CACNG8: variants seen among roughly 807,000 people sequenced by gnomAD.
The protein encoded by CACNG8 is calcium voltage-gated channel auxiliary subunit gamma 8, also known as voltage-dependent calcium channel gamma-8 subunit.
In CACNG8, 5 loss-of-function variants were observed where a neutral mutation model predicts 26.9. The observed-to-expected ratio is 0.19, with a 90% CI of 0.10 to 0.39. The LOEUF (loss-of-function observed/expected upper bound fraction) is 0.39, where lower values mean the gene tolerates loss of function less well. Ranked by LOEUF, CACNG8 falls within the 10% of genes least tolerant of loss-of-function variation. The probability of loss-of-function intolerance (pLI) is 1.00; values close to 1 mark genes in which losing one functional copy is unlikely to be tolerated. For synonymous variants in CACNG8, 321 were observed against 296.7 expected (o/e 1.08, Z -0.84); for missense variants, 473 against 609.4 (o/e 0.78, Z 2.36).
intron 3 of CACNG8, among the ~76,000 whole-genome samples, chr19:53,981,266 A>G (rs2069366063): frequency 6.6e-6 from 1 of 152,142 alleles, no homozygotes; most frequent in Non-Finnish European, 1.5e-5. Flanking sequence ...CCAGGTTTAT[A>G]ACGTTAAGGG....
chr19:53,972,303 C>CCTTT (rs1255496909), intron 1 of CACNG8, among the ~76,000 whole-genome samples: 2 of 150,192 alleles, frequency 1.3e-5, no homozygotes, highest in African/African-American at 4.9e-5. Context: ...GTCTTCTGTG[C>CCTTT]CTTTCTTTCT....
At chr19:53,981,408 G>A (rs543341178) in intron 3 of CACNG8, among the ~76,000 whole-genome samples, 2 of 152,204 alleles carry the variant, frequency 1.3e-5, no homozygotes, top group African/African-American at 4.8e-5. Context: ...TGGACCGCTT[G>A]GGGTGGAGTT....
chr19:53,975,830 A>G (rs1276465039), intron 1 of CACNG8, among the ~76,000 whole-genome samples: 6 of 152,212 alleles, frequency 3.9e-5, no homozygotes, highest in Non-Finnish European at 5.9e-5. Flanking sequence ...CTGCGAAATG[A>G]TGACCCTTTT....
chr19:53,982,924 G>A lies in CACNG8; in HGVS notation c.*75G>A. The stretch of plus-strand genomic sequence containing the variant: ...CGCGTGCATCGAGGCTGCCGGGGTC[G>A]GGGGCGCCCCCGCTTTCCCCCGTGA... On this transcript the variant is annotated 3_prime_UTR_variant, in exon 4 of 4. Coordinates refer to ENST00000270458, the MANE Select transcript of CACNG8 (RefSeq NM_031895.6). This position sits in a 1 kb window ranked among gnomAD's most constrained non-coding sequence, Gnocchi z 8.4. 2 of 1,048,266 alleles carry A rather than the reference G, an allele frequency of 1.9e-6. No individual in the cohort carries two copies. The highest frequency in any genetic ancestry group is 1.2e-6 in the Non-Finnish European group (1 of 840,808). The allele number at this position is 1,048,266 out of a possible 1,614,324, so 64.9% of individuals were successfully genotyped here. A position where few individuals can be genotyped will look rare whatever the true frequency, so the allele number is the denominator to read the frequency against.
intron 2 of CACNG8, among the ~76,000 whole-genome samples, chr19:53,979,618 A>T (rs961705086): frequency 1.2e-4 from 18 of 152,216 alleles, no homozygotes; most frequent in African/African-American, 4.3e-4. Context: ...AAGAGAGAGA[A>T]AAATAGTCCG....
chr19:53,981,597 G>C (rs2069368865), intron 3 of CACNG8, among the ~76,000 whole-genome samples: 1 of 150,906 alleles, frequency 6.6e-6, no homozygotes, highest in African/African-American at 2.4e-5. Context: ...GGCTATCTGG[G>C]GGCAGGACCT....
rs191350412 is a variant in CACNG8 at position 53,978,047 on chromosome 19, G to A, written c.284-99G>A. The A allele has an allele frequency of 1.4e-3, 1,057 of 778,480 alleles. 11 individuals are homozygous for A. In the African/African-American group the frequency reaches 0.015, roughly 11 times the overall value. The allele number at this position is 778,480 out of a possible 1,614,324, so 48.2% of individuals were successfully genotyped here. A position where few individuals can be genotyped will look rare whatever the true frequency, so the allele number is the denominator to read the frequency against. On this transcript the variant is annotated intron_variant, in intron 1 of 3. Transcript: ENST00000270458. ...CGGTCTCCCAAGCAGCCCAGAGAGA[G>A]AAGGGGTTTGGGGAAGGGAAGGGTC...
intron 1 of CACNG8, among the ~76,000 whole-genome samples, chr19:53,973,946 C>T (rs1485552550): frequency 1.3e-5 from 2 of 152,204 alleles, no homozygotes; most frequent in South Asian, 2.1e-4. Context: ...CTCATTCACT[C>T]ATTCATTCGT....
chr19:53,981,275 G>C (rs977362967), intron 3 of CACNG8, among the ~76,000 whole-genome samples: 2 of 152,162 alleles, frequency 1.3e-5, no homozygotes, highest in African/African-American at 4.8e-5. Context: ...TAACGTTAAG[G>C]GTGGAGGTAG....
At position 53,982,760 on chromosome 19, in the gene CACNG8, G is replaced by T; in HGVS notation, c.1189G>T (p.Ala397Ser). Residue 397 changes from alanine (A) to serine (S), a missense_variant, in exon 4 of 4, where the codon GCG (alanine) becomes TCG (serine). Around this residue, in one of 6 missense-constraint regions of CACNG8, gnomAD observed 212 missense variants for 214.4 expected, o/e 0.99. Coordinates refer to ENST00000270458, the MANE Select transcript of CACNG8 (RefSeq NM_031895.6). This position sits in a 1 kb window ranked among gnomAD's most constrained non-coding sequence, Gnocchi z 8.4. Reference sequence around the variant, plus strand: ...CGCCCCGCCCGCGCCCGCGCCACCCGCGCCCTCTGCGCCCGCCCCCGGGAC... The same window carrying T: ...CGCCCCGCCCGCGCCCGCGCCACCCTCGCCCTCTGCGCCCGCCCCCGGGAC... The T allele has an allele frequency of 8.1e-7, 1 of 1,239,424 alleles. No individual in the cohort carries two copies. Among genetic ancestry groups the T allele is most frequent in the South Asian group, 2.7e-5 (1 of 37,646 alleles). 76.8% of individuals were successfully genotyped at this position (1,239,424 alleles called of 1,614,324 possible).
chr19:53,989,398 C>T lies in CACNG8; in HGVS notation c.*6549C>T, dbSNP rs942496413. 2 of 152,674 alleles carry T rather than the reference C, an allele frequency of 1.3e-5. No individual in the cohort carries two copies. Among genetic ancestry groups the T allele is most frequent in the African/African-American group, 4.8e-5 (2 of 41,382 alleles). 9.5% of individuals were successfully genotyped at this position (152,674 alleles called of 1,614,324 possible). A position where few individuals can be genotyped will look rare whatever the true frequency, so the allele number is the denominator to read the frequency against. ...AGAAGTCCCAGAGATAACAAAAACA[C>T]AACCACAGAGATAGGGAGACGTAAG... is the stretch of plus-strand genomic sequence containing the variant. On this transcript the variant is annotated 3_prime_UTR_variant, in exon 4 of 4. Coordinates refer to ENST00000270458, the MANE Select transcript of CACNG8 (RefSeq NM_031895.6).
At chr19:53,980,057 CGTGT>C (rs56223082) in intron 3 of CACNG8, 50 bp downstream of exon 3, 24,177 of 1,075,518 alleles carry the variant, frequency 0.022, 160 homozygotes, top group East Asian at 0.075. Flanking sequence ...TGGGCGCGCA[CGTGT>C]GTGTGTGTGT....
At chr19:53,969,601 A>T (rs28728371) in intron 1 of CACNG8, among the ~76,000 whole-genome samples, 1 of 151,652 alleles carries the variant, frequency 6.6e-6, no homozygotes, top group Non-Finnish European at 1.5e-5. Context: ...GTTTTCTAGG[A>T]GAATGAAGCA....
Position 53,982,974 on chromosome 19 carries a change from C to CCCCACG in CACNG8, c.*131_*136dup, listed in dbSNP as rs1468781914. ...AGCGCGCTGGAGACTGCTGGGCCCG[C>CCCCACG]CCCACGCCCACCCTCCCCGCCCCCC... On this transcript the variant is annotated 3_prime_UTR_variant, in exon 4 of 4. Transcript: ENST00000270458. The surrounding 1 kb of genome is among the most constrained non-coding windows in gnomAD (Gnocchi z 8.4). The CCCCACG allele has an allele frequency of 1.9e-6, 1 of 534,412 alleles. No individual in the cohort carries two copies. Among genetic ancestry groups the CCCCACG allele is most frequent in the Non-Finnish European group, 2.6e-6 (1 of 377,880 alleles). 33.1% of individuals were successfully genotyped at this position (534,412 alleles called of 1,614,324 possible).
At chr19:53,971,565 C>T (rs1257129700) in intron 1 of CACNG8, among the ~76,000 whole-genome samples, 7 of 152,324 alleles carry the variant, frequency 4.6e-5, no homozygotes, top group African/African-American at 1.7e-4. Flanking sequence ...AGCTTGTGCC[C>T]CCTCCTCAGG....
chr19:53,963,032 C>G lies in CACNG8; in HGVS notation c.-111C>G, dbSNP rs2069251593. Reference sequence around the variant, plus strand: ...CGCCCCCCTCCCCAGCCCCGCCGGCCCCGGGCCCCCCGCTTCTGCCTGCGC... The same window carrying G: ...CGCCCCCCTCCCCAGCCCCGCCGGCGCCGGGCCCCCCGCTTCTGCCTGCGC... On this transcript the variant is annotated 5_prime_UTR_variant, in exon 1 of 4. Transcript: ENST00000270458. 1 of 450,010 alleles carries G rather than the reference C, an allele frequency of 2.2e-6. No homozygotes were observed. The highest frequency in any genetic ancestry group is 3.5e-6 in the Non-Finnish European group (1 of 285,000). The allele number at this position is 450,010 out of a possible 1,614,324, so 27.9% of individuals were successfully genotyped here. A position where few individuals can be genotyped will look rare whatever the true frequency, so the allele number is the denominator to read the frequency against.
rs2069422922 is a variant in CACNG8 at position 53,988,835 on chromosome 19, A to C, written c.*5986A>C. On this transcript the variant is annotated 3_prime_UTR_variant, in exon 4 of 4. Coordinates refer to ENST00000270458, the MANE Select transcript of CACNG8 (RefSeq NM_031895.6). ...TCCCCTAGCCAGGGATGCTCTGCCCAGCTCCTGTCTCTTGCTGCTGTCAGC... is the reference window on the plus strand; with the variant it reads ...TCCCCTAGCCAGGGATGCTCTGCCCCGCTCCTGTCTCTTGCTGCTGTCAGC... 1 of 152,316 alleles carries C rather than the reference A, an allele frequency of 6.6e-6. No individual in the cohort carries two copies. Among genetic ancestry groups the C allele is most frequent in the African/African-American group, 2.4e-5 (1 of 41,454 alleles). 9.4% of individuals were successfully genotyped at this position (152,316 alleles called of 1,614,324 possible).
At chr19:53,981,018 C>A (rs189068801) in intron 3 of CACNG8, among the ~76,000 whole-genome samples, 3 of 152,000 alleles carry the variant, frequency 2.0e-5, no homozygotes, top group Non-Finnish European at 2.9e-5. Context: ...CCGGCAAGGA[C>A]CCTGGCCAAG....
chr19:53,976,544 T>C (rs141852830), intron 1 of CACNG8, among the ~76,000 whole-genome samples: 98 of 152,364 alleles, frequency 6.4e-4, no homozygotes, highest in African/African-American at 2.3e-3. Flanking sequence ...GTTCCTCCTT[T>C]ATCCCTATTC....
Sources: allele counts gnomAD v4.1 joint callset (sites outside exome capture counted in the v4.1 genomes callset), GRCh38; gene constraint gnomAD v4.1.1; regional missense constraint gnomAD v4.1.1; non-coding constraint Gnocchi (gnomAD v3.1); transcripts MANE v1.5; gene names NCBI Gene and HGNC (gene_info 2026-07-23, HGNC 2026-07-21).